Variants in CNTNAP5 observed in about 807,000 individuals in gnomAD.
The protein encoded by CNTNAP5 is contactin associated protein family member 5.
In CNTNAP5, 72 loss-of-function variants were observed where a neutral mutation model predicts 150.2. That is an observed-to-expected ratio of 0.48 (90% confidence interval 0.40 to 0.58). CNTNAP5 has a LOEUF of 0.58. CNTNAP5 is among the 20% of genes least tolerant of loss of function. The pLI is 0.00. For missense variants in CNTNAP5, 1,636 were observed against 1,626.2 expected (o/e 1.01, Z -0.10); for synonymous variants, 672 against 619.8 (o/e 1.08, Z -1.25).
intron 13 of CNTNAP5, among the ~76,000 whole-genome samples, chr2:124,691,710 G>T (rs1176485620): frequency 1.3e-5 from 2 of 151,976 alleles, no homozygotes; most frequent in Non-Finnish European, 2.9e-5. Flanking sequence ...GCGCTCAGTG[G>T]TCCCAGTTTT....
At chr2:124,318,938 C>G (rs901122334) in intron 3 of CNTNAP5, among the ~76,000 whole-genome samples, 1 of 152,220 alleles carries the variant, frequency 6.6e-6, no homozygotes, top group African/African-American at 2.4e-5. Context: ...CCTACATCCT[C>G]TCCTCTAGTT....
intron 11 of CNTNAP5, among the ~76,000 whole-genome samples, chr2:124,566,555 C>T (rs979702793): frequency 6.6e-6 from 1 of 152,184 alleles, no homozygotes; most frequent in Non-Finnish European, 1.5e-5. Flanking sequence ...TAACACCTTC[C>T]TATTTCCTTT....
intron 7 of CNTNAP5, among the ~76,000 whole-genome samples, chr2:124,485,631 A>AAAAAAAAAAAAAAAAG (rs1457112306): frequency 7.5e-6 from 1 of 134,200 alleles, no homozygotes. Flanking sequence ...AAAAAAAAAA[A>AAAAAAAAAAAAAAAAG]AAAGAAGAAG....
At chr2:124,772,632 T>A (rs1681228694) in intron 16 of CNTNAP5, among the ~76,000 whole-genome samples, 167 bp from the exon 17 acceptor site, 1 of 152,150 alleles carries the variant, frequency 6.6e-6, no homozygotes, top group East Asian at 1.9e-4. Flanking sequence ...GTATACACAT[T>A]TAATTTGGTA....
At position 124,524,411 on chromosome 2, in the gene CNTNAP5, C is replaced by T. The variant is rs551847327; in HGVS notation, c.1436C>T (p.Thr479Ile). ...DEAAPPAPDS[T>I]WVQIYSGNSY... ...GCAGCACCCCCGGCTCCAGACAGCACTTGGGTGCAGATTTATTCTGGAAAT... is the reference window on the plus strand; with the variant it reads ...GCAGCACCCCCGGCTCCAGACAGCATTTGGGTGCAGATTTATTCTGGAAAT... The change falls in exon 9 of 24, where the codon ACT becomes ATT. Residue 479 changes from threonine (T) to isoleucine (I), a missense_variant. Physicochemically the swap from Thr to Ile is moderately conservative, Grantham distance 89. Transcript: ENST00000682447. The T allele has an allele frequency of 2.5e-6, 4 of 1,613,606 alleles. No homozygotes were observed. The South Asian group carries it at 4.4e-5, about 18-fold the overall frequency.
At chr2:124,510,333 A>G (rs1368823343) in intron 8 of CNTNAP5, among the ~76,000 whole-genome samples, 1 of 111,814 alleles carries the variant, frequency 8.9e-6, no homozygotes, top group East Asian at 2.4e-4. Flanking sequence ...ATCTATATAT[A>G]TATCTCCATA....
chr2:124,830,865 G>C (rs1203442809), intron 19 of CNTNAP5, among the ~76,000 whole-genome samples: 1 of 151,930 alleles, frequency 6.6e-6, no homozygotes, highest in East Asian at 1.9e-4. Context: ...AGGAGAAAAG[G>C]AACTGAAGGC....
At chr2:124,629,783 T>C (rs1677806797) in intron 12 of CNTNAP5, among the ~76,000 whole-genome samples, 3 of 149,492 alleles carry the variant, frequency 2.0e-5, no homozygotes, top group South Asian at 4.2e-4. Context: ...GTTTTTTTTT[T>C]TTTTTGAAAA....
intron 22 of CNTNAP5, 34 bp from the exon 23 acceptor site, chr2:124,911,433 A>G (rs1326008370): frequency 4.0e-6 from 6 of 1,516,170 alleles, no homozygotes; most frequent in Middle Eastern, 1.7e-4. Context: ...GCTTTGAGTG[A>G]GAAGTAAAGT....
intron 3 of CNTNAP5, among the ~76,000 whole-genome samples, chr2:124,296,189 T>C (rs1424056071): frequency 2.6e-5 from 4 of 152,154 alleles, no homozygotes; most frequent in Admixed American, 1.3e-4. Flanking sequence ...GTAATTAATA[T>C]TAGCTGCTCA....
chr2:124,127,792 A>C (rs1227168338), intron 1 of CNTNAP5, among the ~76,000 whole-genome samples: 1 of 152,230 alleles, frequency 6.6e-6, no homozygotes, highest in Non-Finnish European at 1.5e-5. Context: ...CAAATCTGTC[A>C]AAACTAAGAA....
chr2:124,706,833 G>A (rs1257955797), intron 13 of CNTNAP5, among the ~76,000 whole-genome samples: 13 of 2,504 alleles, frequency 5.2e-3, no homozygotes, highest in African/African-American at 5.9e-3. Context: ...AGGAAGAGGA[G>A]GAGGGGGAGG....
intron 19 of CNTNAP5, among the ~76,000 whole-genome samples, chr2:124,818,806 A>G (rs200114494): frequency 6.6e-6 from 1 of 152,238 alleles, no homozygotes; most frequent in East Asian, 1.9e-4. Context: ...TCAAACCTGG[A>G]TCTAGCAGGC....
At chr2:124,554,781 A>G (rs1413069735) in intron 10 of CNTNAP5, among the ~76,000 whole-genome samples, 1 of 152,178 alleles carries the variant, frequency 6.6e-6, no homozygotes, top group African/African-American at 2.4e-5. Context: ...ATTCTCTTAA[A>G]AACTACAAAC....
chr2:124,624,965 G>T (rs1396028841), intron 12 of CNTNAP5, among the ~76,000 whole-genome samples: 1 of 152,172 alleles, frequency 6.6e-6, no homozygotes, highest in Non-Finnish European at 1.5e-5. Flanking sequence ...GCACCATCTG[G>T]AGAGACTAAG....
intron 21 of CNTNAP5, among the ~76,000 whole-genome samples, chr2:124,894,892 A>G (rs1678271495): frequency 6.6e-6 from 1 of 151,524 alleles, no homozygotes; most frequent in African/African-American, 2.4e-5. Flanking sequence ...TGATTTTTAT[A>G]TAAAAATAAG....
At chr2:124,597,281 C>A (rs1357847058) in intron 11 of CNTNAP5, among the ~76,000 whole-genome samples, 2 of 150,180 alleles carry the variant, frequency 1.3e-5, no homozygotes, top group South Asian at 4.3e-4. Flanking sequence ...CGGCTGGTAC[C>A]GGTTGTTCCT....
intron 13 of CNTNAP5, among the ~76,000 whole-genome samples, chr2:124,739,401 TAGAA>T (rs1680453594): frequency 6.6e-6 from 1 of 152,176 alleles, no homozygotes; most frequent in Non-Finnish European, 1.5e-5. Flanking sequence ...GTATTCTATT[TAGAA>T]AGAAAGAGCA....
At chr2:124,092,532 A>G (rs1305074981) in intron 1 of CNTNAP5, among the ~76,000 whole-genome samples, 1 of 152,188 alleles carries the variant, frequency 6.6e-6, no homozygotes, top group Non-Finnish European at 1.5e-5. Context: ...GGTGACAAAA[A>G]GACAGATGAG....
Sources: allele counts gnomAD v4.1 joint callset (sites outside exome capture counted in the v4.1 genomes callset), GRCh38; gene constraint gnomAD v4.1.1; transcripts MANE v1.5; gene names NCBI Gene and HGNC (gene_info 2026-07-23, HGNC 2026-07-21).